EXOC6B: variants seen among roughly 807,000 people sequenced by gnomAD.
EXOC6B encodes SEC15 homolog B.
EXOC6B carries 54 observed loss-of-function variants against 113.5 expected under a neutral mutation model. That is an observed-to-expected ratio of 0.48 (90% CI 0.38 to 0.60). The LOEUF is 0.60. Ranked by LOEUF, EXOC6B falls within the 20% of genes least tolerant of loss-of-function variation. EXOC6B has a pLI of 0.00. For missense variants in EXOC6B, 797 were observed against 977.5 expected, an observed-to-expected ratio of 0.82 and a Z score of 2.46; for synonymous variants, 357 against 339.0, an observed-to-expected ratio of 1.05 and a Z score of -0.58.
At chr2:72,736,274 T>C (rs1178198941) in intron 2 of EXOC6B, among the ~76,000 whole-genome samples, 1 of 151,970 alleles carries the variant, frequency 6.6e-6, no homozygotes, top group Non-Finnish European at 1.5e-5. Flanking sequence ...AGAAGATAAG[T>C]GTGTGTATGT....
chr2:72,386,404 C>T lies in EXOC6B; in HGVS notation c.1981-6534G>A, dbSNP rs1692030204. Reference sequence around the variant, plus strand: ...CTAAAAGGAAGGTAAGTGTTGATAGCCAAGACAAAGGGGAAAAGGTCTCCG... The same window carrying T: ...CTAAAAGGAAGGTAAGTGTTGATAGTCAAGACAAAGGGGAAAAGGTCTCCG... On this transcript the variant is annotated intron_variant, in intron 18 of 21. Coordinates refer to ENST00000272427, the MANE Select transcript of EXOC6B (RefSeq NM_015189.3). 2.0e-5 allele frequency among the ~76,000 whole-genome samples: 3 copies of T among 152,114 alleles called. No individual in the cohort carries two copies. The South Asian group carries it at 6.2e-4, about 32-fold the overall frequency.
chr2:72,271,803 C>T (rs561241266), intron 20 of EXOC6B, among the ~76,000 whole-genome samples: 10 of 151,868 alleles, frequency 6.6e-5, no homozygotes, highest in Non-Finnish European at 1.3e-4. Context: ...CCTTGGTCCC[C>T]GAAAGCTGCT....
intron 8 of EXOC6B, among the ~76,000 whole-genome samples, chr2:72,553,720 C>T (rs1703371251): frequency 6.6e-6 from 1 of 151,938 alleles, no homozygotes; most frequent in African/African-American, 2.4e-5. Context: ...TCATATTATA[C>T]AAGAGGTCTT....
At chr2:72,616,436 G>A (rs943460916) in intron 6 of EXOC6B, among the ~76,000 whole-genome samples, 1 of 152,102 alleles carries the variant, frequency 6.6e-6, no homozygotes, top group Admixed American at 6.6e-5. Context: ...CAAATACACA[G>A]ACTACTGGAA....
intron 2 of EXOC6B, among the ~76,000 whole-genome samples, chr2:72,735,434 T>C (rs968963760): frequency 6.6e-6 from 1 of 152,226 alleles, no homozygotes; most frequent in Non-Finnish European, 1.5e-5. Flanking sequence ...TCAAAAATAC[T>C]GATCAAGGCA....
At position 72,510,601 on chromosome 2, in the gene EXOC6B, C is replaced by T. The variant is rs150938307; in HGVS notation, c.1167+2531G>A. Among the ~76,000 whole-genome samples, 55 of 151,456 alleles carry T rather than the reference C, an allele frequency of 3.6e-4. No individual in the cohort carries two copies. In the East Asian group the frequency reaches 8.3e-3, roughly 23 times the overall value. On this transcript the variant is annotated intron_variant, in intron 11 of 21. Coordinates refer to ENST00000272427, the MANE Select transcript of EXOC6B (RefSeq NM_015189.3). ...AAATGAAAAACACAGCATGTTCCTA[C>T]TTAAAACCCATTATATATTGTATAG...
chr2:72,285,063 T>G (rs952523145), intron 20 of EXOC6B, among the ~76,000 whole-genome samples: 24 of 152,112 alleles, frequency 1.6e-4, no homozygotes, highest in African/African-American at 5.8e-4. Context: ...GATCTATAGA[T>G]TCAATGCAAT....
intron 1 of EXOC6B, among the ~76,000 whole-genome samples, chr2:72,763,406 A>T (rs1164977395): frequency 6.6e-6 from 1 of 150,458 alleles, no homozygotes; most frequent in East Asian, 1.9e-4. Context: ...TTCCAGAGAA[A>T]GTCAATTTGA....
At chr2:72,539,708 A>G (rs1180979969) in intron 8 of EXOC6B, among the ~76,000 whole-genome samples, 3 of 150,892 alleles carry the variant, frequency 2.0e-5, no homozygotes, top group South Asian at 4.2e-4. Context: ...AATTTCTTAT[A>G]TCTTTTCCTT....
chr2:72,759,563 T>C (rs1682623321), intron 1 of EXOC6B, among the ~76,000 whole-genome samples: 1 of 152,196 alleles, frequency 6.6e-6, no homozygotes, highest in African/African-American at 2.4e-5. Context: ...CAACTTTTCA[T>C]TTCAATGTTT....
intron 8 of EXOC6B, among the ~76,000 whole-genome samples, chr2:72,545,294 T>A (rs1306838873): frequency 6.6e-6 from 1 of 152,124 alleles, no homozygotes; most frequent in Non-Finnish European, 1.5e-5. Flanking sequence ...CATTTGCCAA[T>A]CAATTTTCTT....
intron 20 of EXOC6B, among the ~76,000 whole-genome samples, chr2:72,204,305 G>A (rs555933884): frequency 6.6e-6 from 1 of 152,020 alleles, no homozygotes; most frequent in Non-Finnish European, 1.5e-5. Context: ...TGAGCTCCCC[G>A]CCCTCTGGCT....
chr2:72,277,407 G>C (rs571306324), intron 20 of EXOC6B, among the ~76,000 whole-genome samples: 1 of 152,046 alleles, frequency 6.6e-6, no homozygotes, highest in South Asian at 2.1e-4. Flanking sequence ...ACCCAAGGGA[G>C]CTCAATAGAA....
chr2:72,749,968 T>C (rs1681936277), intron 1 of EXOC6B, among the ~76,000 whole-genome samples: 1 of 151,692 alleles, frequency 6.6e-6, no homozygotes, highest in South Asian at 2.1e-4. Flanking sequence ...TTATGTATAC[T>C]ATATATATAA....
At position 72,480,741 on chromosome 2, in the gene EXOC6B, T is replaced by A. The variant is rs1444390922; in HGVS notation, c.1675A>T (p.Ile559Phe). The change falls in exon 17 of 22, where the codon ATT becomes TTT. Residue 559 changes from isoleucine to phenylalanine, a missense_variant. Transcript: ENST00000272427. ...TCCAAATGTGTTGTATTGATAATAATCTGAACAAGCTAGAAAACAACAAAC... is the reference window on the plus strand; with the variant it reads ...TCCAAATGTGTTGTATTGATAATAAACTGAACAAGCTAGAAAACAACAAAC... ...KNIGLTELVQ[I>F]IINTTHLEKS... The A allele has an allele frequency of 6.2e-7, 1 of 1,600,770 alleles. No homozygotes were observed. The highest frequency in any genetic ancestry group is 1.1e-5 in the South Asian group (1 of 88,534).
In EXOC6B at chr2:72,802,868, G is replaced by A. The variant is rs180917401; in HGVS notation, c.113+22930C>T. Among the ~76,000 whole-genome samples the A allele has an allele frequency of 6.6e-5, 10 of 152,206 alleles. No homozygotes were observed. The East Asian group carries it at 1.7e-3, about 26-fold the overall frequency. On this transcript the variant is annotated intron_variant, in intron 1 of 21. Transcript: ENST00000272427. ...ACTAGATAGAAAGGCAAATTCTCAG[G>A]CCCTACCCCAGACCTATTGAATTAG...
intron 6 of EXOC6B, among the ~76,000 whole-genome samples, chr2:72,625,258 T>C (rs990094798): frequency 6.6e-6 from 1 of 151,214 alleles, no homozygotes; most frequent in African/African-American, 2.4e-5. Context: ...TATATGTATA[T>C]GTGTATATAT....
chr2:72,409,876 T>C (rs528414803), intron 18 of EXOC6B, among the ~76,000 whole-genome samples: 34 of 151,894 alleles, frequency 2.2e-4, no homozygotes, highest in African/African-American at 6.3e-4. Flanking sequence ...ATAAAATATA[T>C]ATATATGTAT....
At chr2:72,215,749 T>G (rs769280811) in intron 20 of EXOC6B, among the ~76,000 whole-genome samples, 25 of 152,138 alleles carry the variant, frequency 1.6e-4, no homozygotes, top group South Asian at 1.0e-3. Flanking sequence ...CTTTATAGAC[T>G]TCATTGTTCA....
Sources: gnomAD v4.1 joint callset for allele counts (sites outside exome capture counted in the v4.1 genomes callset) on GRCh38, gnomAD v4.1.1 for gene constraint, MANE v1.5 for transcripts, NCBI Gene and HGNC (gene_info 2026-07-23, HGNC 2026-07-21) for gene names.